PRUNE2: variants seen among roughly 807,000 people sequenced by gnomAD.
PRUNE2 encodes protein prune homolog 2.
Under a neutral mutation model 252.0 loss-of-function variants are expected in PRUNE2, and 164 were observed. That is an observed-to-expected ratio of 0.65 (90% confidence interval 0.57 to 0.74). PRUNE2 has a LOEUF of 0.74. PRUNE2 is among the 30% of genes least tolerant of loss of function. The pLI is 0.00. For missense variants in PRUNE2, 3,495 were observed against 3,711.0 expected, an observed-to-expected ratio of 0.94 and a Z score of 1.51; for synonymous variants, 1,292 against 1,350.2, an observed-to-expected ratio of 0.96 and a Z score of 0.94.
chr9:76,680,878 CGG>C (rs1463571494), intron 9 of PRUNE2, among the ~76,000 whole-genome samples: 1 of 152,084 alleles, frequency 6.6e-6, no homozygotes, highest in Non-Finnish European at 1.5e-5. Context: ...TTCAAACAAC[CGG>C]ATCTCGTGAG....
At chr9:76,693,443 T>G in intron 9 of PRUNE2, among the ~76,000 whole-genome samples, 1 of 23,702 alleles carries the variant, frequency 4.2e-5, no homozygotes, top group Non-Finnish European at 1.1e-4. Flanking sequence ...CCTACTCTTT[T>G]TTTTTTTTTT....
intron 6 of PRUNE2, among the ~76,000 whole-genome samples, chr9:76,801,258 T>A (rs12376845): frequency 0.29 from 44,627 of 152,112 alleles, 6,750 homozygotes; most frequent in Middle Eastern, 0.41. Context: ...CTTTTTTCTC[T>A]CTTTGAAAAG....
chr9:76,790,279 A>G (rs573624430), intron 6 of PRUNE2, among the ~76,000 whole-genome samples: 1 of 152,294 alleles, frequency 6.6e-6, no homozygotes, highest in Admixed American at 6.5e-5. Context: ...ATGCTAGCAC[A>G]TGGCCCAGTT....
At position 76,710,631 on chromosome 9, in the gene PRUNE2, T is replaced by C. The variant is rs773513838; in HGVS notation, c.1643A>G (p.Asn548Ser). 3.1e-6 allele frequency: 5 copies of C among 1,613,080 alleles called. No individual in the cohort carries two copies. Among genetic ancestry groups the C allele is most frequent in the Non-Finnish European group, 4.2e-6 (5 of 1,179,538 alleles). The change falls in exon 8 of 19, where the codon AAT becomes AGT. Residue 548 changes from asparagine (N) to serine (S), a missense_variant. Transcript: ENST00000376718. The stretch of plus-strand genomic sequence containing the variant: ...TGACAAAAGTGAACTGGATGAATAA[T>C]TAGACATGTTGGTTCCCATGCCATC... Reference protein sequence around the residue: ...GLDGMGTNMSNYSSSSLLSGA... With the variant: ...GLDGMGTNMSSYSSSSLLSGA...
chr9:76,842,048 C>G (rs536212297), intron 4 of PRUNE2, among the ~76,000 whole-genome samples: 1 of 152,230 alleles, frequency 6.6e-6, no homozygotes, highest in African/African-American at 2.4e-5. Context: ...CAATCCTAAG[C>G]AAAAAGAACA....
chr9:76,697,286 C>T (rs935689505), intron 9 of PRUNE2, among the ~76,000 whole-genome samples: 1 of 152,178 alleles, frequency 6.6e-6, no homozygotes, highest in African/African-American at 2.4e-5. Context: ...AGAGTTGCAC[C>T]ACCTCATCTT....
chr9:76,748,984 A>G (rs1410916027), intron 6 of PRUNE2, among the ~76,000 whole-genome samples: 2 of 152,196 alleles, frequency 1.3e-5, no homozygotes, highest in African/African-American at 2.4e-5. Context: ...CTCCGTAAGC[A>G]AGGAAATAAA....
At chr9:76,721,366 A>G (rs2047632191) in intron 6 of PRUNE2, among the ~76,000 whole-genome samples, 1 of 152,180 alleles carries the variant, frequency 6.6e-6, no homozygotes, top group Admixed American at 6.5e-5. Flanking sequence ...TACTTCCCAC[A>G]TAGGTCAAGC....
In PRUNE2 at chr9:76,709,875, C is replaced by T. The variant is rs2046586243; in HGVS notation, c.2399G>A (p.Trp800Ter). The part of the protein sequence containing the change: ...EPAAVAPFPA[W>*]SAFGKEDHDE... ...ATGATCTTCTTTACCAAATGCACTC[C>T]AGGCTGGGAATGGCGCCACAGCTGC... Residue 800 changes from tryptophan (W) to a stop codon, truncating the protein, a stop_gained, in exon 8 of 19, where the codon TGG becomes TAG. Transcript: ENST00000376718. LOFTEE classifies it high-confidence loss of function. 4 of 1,613,830 alleles carry T rather than the reference C, an allele frequency of 2.5e-6. No individual in the cohort carries two copies. Among genetic ancestry groups the T allele is most frequent in the African/African-American group, 1.3e-5 (1 of 74,986 alleles).
intron 4 of PRUNE2, among the ~76,000 whole-genome samples, chr9:76,843,756 T>C (rs1479869371): frequency 2.0e-5 from 3 of 149,818 alleles, no homozygotes; most frequent in Non-Finnish European, 4.4e-5. Flanking sequence ...GAGATGGAGT[T>C]TCACCCTTGT....
chr9:76,672,116 TAA>T (rs1428287897), intron 9 of PRUNE2, among the ~76,000 whole-genome samples: 5 of 151,668 alleles, frequency 3.3e-5, no homozygotes, highest in Non-Finnish European at 4.4e-5. Flanking sequence ...GCGAATTGGA[TAA>T]AGAGTCAAGA....
chr9:76,852,769 CAT>C (rs1393705536), intron 2 of PRUNE2, among the ~76,000 whole-genome samples: 6 of 152,176 alleles, frequency 3.9e-5, no homozygotes, highest in Non-Finnish European at 5.9e-5. Flanking sequence ...AGAGAATCCA[CAT>C]GTCTTTTTAT....
intron 1 of PRUNE2, among the ~76,000 whole-genome samples, chr9:76,865,394 C>T (rs10124519): frequency 0.054 from 8,171 of 152,158 alleles, 724 homozygotes; most frequent in African/African-American, 0.18. Context: ...CAGTAATACA[C>T]AGTAGAATTC....
chr9:76,791,309 T>G (rs58271836), intron 6 of PRUNE2, among the ~76,000 whole-genome samples: 716 of 66,628 alleles, frequency 0.011, 6 homozygotes, highest in African/African-American at 0.041. Flanking sequence ...CTGCACCAAT[T>G]ATCATTGGTA....
At chr9:76,752,634 C>T (rs1185941662) in intron 6 of PRUNE2, among the ~76,000 whole-genome samples, 1 of 152,184 alleles carries the variant, frequency 6.6e-6, no homozygotes, top group Non-Finnish European at 1.5e-5. Context: ...TATTTCAGCA[C>T]TTATAATACA....
At chr9:76,815,478 GACAA>G (rs1342773848) in intron 6 of PRUNE2, among the ~76,000 whole-genome samples, 2 of 152,124 alleles carry the variant, frequency 1.3e-5, no homozygotes, top group South Asian at 4.1e-4. Context: ...TGGCAAAAGG[GACAA>G]ACATGTCCCC....
rs73650280 is a variant in PRUNE2 at position 76,706,535 on chromosome 9, C to T, written c.5739G>A (p.Arg1913=). 2.9e-3 allele frequency: 4,609 copies of T among 1,613,854 alleles called. 103 individuals are homozygous for T. In the African/African-American group the frequency reaches 0.055, roughly 19 times the overall value. The change falls in exon 8 of 19, where the codon AGG becomes AGA. Residue 1913 remains arginine, a synonymous_variant. Transcript: ENST00000376718. Reference sequence around the variant, plus strand: ...ACTTGTCAGCATCTGGGTCTGGCTGCCTTGGTTGAATGTTCCAGAGTTGCT... The same window carrying T: ...ACTTGTCAGCATCTGGGTCTGGCTGTCTTGGTTGAATGTTCCAGAGTTGCT... ...SHEQLWNIQP[R]QPDPDADKFS... is the part of the protein sequence containing the mutation.
rs575738152 is a variant in PRUNE2 at position 76,886,007 on chromosome 9, G to A, written c.36+19921C>T. Among the ~76,000 whole-genome samples, 351 of 150,820 alleles carry A rather than the reference G, an allele frequency of 2.3e-3. 1 individual carries two copies. Among genetic ancestry groups the A allele is most frequent in the African/African-American group, 7.5e-3 (306 of 40,962 alleles). Reference sequence around the variant, plus strand: ...ATCCTGGCCAACATGGCGAAACCCCGTCTCTACTAAAAATACAAAAAAAAA... The same window carrying A: ...ATCCTGGCCAACATGGCGAAACCCCATCTCTACTAAAAATACAAAAAAAAA... On this transcript the variant is annotated intron_variant, in intron 1 of 18. Coordinates refer to ENST00000376718, the MANE Select transcript of PRUNE2 (RefSeq NM_015225.3).
chr9:76,690,212 C>A (rs1265286305), intron 9 of PRUNE2, among the ~76,000 whole-genome samples: 1 of 152,194 alleles, frequency 6.6e-6, no homozygotes, highest in Non-Finnish European at 1.5e-5. Flanking sequence ...CTCGCCCCTT[C>A]TTCCTTCCCC....
Sources: gnomAD v4.1 joint callset for allele counts (sites outside exome capture counted in the v4.1 genomes callset) on GRCh38, gnomAD v4.1.1 for gene constraint, MANE v1.5 for transcripts, NCBI Gene and HGNC (gene_info 2026-07-23, HGNC 2026-07-21) for gene names.